Variants in RYR2 observed in about 807,000 individuals in gnomAD.
RYR2 encodes cardiac muscle ryanodine receptor-calcium release channel.
Under a neutral mutation model 601.1 loss-of-function variants are expected in RYR2, and 227 were observed. The observed-to-expected ratio is 0.38, with a 90% CI of 0.34 to 0.42. The LOEUF is 0.42. Ranked by LOEUF, RYR2 falls within the 10% of genes least tolerant of loss-of-function variation. The pLI, the probability that RYR2 is intolerant of heterozygous loss-of-function variation, is 1.00. For missense variants in RYR2, 4,646 were observed against 6,156.5 expected (o/e 0.75, Z 8.21); for synonymous variants, 2,223 against 2,175.1 (o/e 1.02, Z -0.61).
chr1:237,643,387 C>T lies in RYR2; in HGVS notation c.7282C>T (p.Pro2428Ser), dbSNP rs760270361. Residue 2428 changes from proline to serine, a missense_variant, in exon 48 of 105, where the codon CCC becomes TCC. By Grantham distance (74) the Pro-to-Ser change is moderately conservative. Transcript: ENST00000366574. The stretch of plus-strand genomic sequence containing the variant: ...TAGGTCCATTTTGAGATCCCTCATT[C>T]CCCTGGGAGATTTGGTGGGCGTTAT... ...RIRSILRSLI[P>S]LGDLVGVISI... 6.2e-7 allele frequency: 1 copy of T among 1,613,770 alleles called. No individual in the cohort carries two copies. Among genetic ancestry groups the T allele is most frequent in the Non-Finnish European group, 8.5e-7 (1 of 1,179,800 alleles).
intron 2 of RYR2, among the ~76,000 whole-genome samples, chr1:237,322,644 T>G (rs1048185566): frequency 2.0e-5 from 3 of 152,154 alleles, no homozygotes; most frequent in Non-Finnish European, 4.4e-5. Flanking sequence ...GTGTTCAATC[T>G]GTGGTCTACT....
intron 1 of RYR2, among the ~76,000 whole-genome samples, chr1:237,144,963 T>G (rs546182403): frequency 6.6e-6 from 1 of 152,244 alleles, no homozygotes; most frequent in East Asian, 1.9e-4. Context: ...CTATACATGA[T>G]TCCCTGGCCA....
chr1:237,493,610 G>A (rs559409169), intron 19 of RYR2, among the ~76,000 whole-genome samples: 8 of 152,084 alleles, frequency 5.3e-5, no homozygotes, highest in South Asian at 4.2e-4. Flanking sequence ...CCGCCACCAC[G>A]CCTGGCTAAT....
At chr1:237,649,011 A>G (rs1330858426) in intron 49 of RYR2, among the ~76,000 whole-genome samples, 2 of 152,252 alleles carry the variant, frequency 1.3e-5, no homozygotes, top group Non-Finnish European at 2.9e-5. Context: ...AAGATGATTT[A>G]ATGGATATTG....
intron 10 of RYR2, among the ~76,000 whole-genome samples, chr1:237,414,938 G>A (rs1286406991): frequency 6.6e-6 from 1 of 152,020 alleles, no homozygotes; most frequent in Non-Finnish European, 1.5e-5. Context: ...ACCTATGTCA[G>A]TGGCTCTACA....
intron 25 of RYR2, among the ~76,000 whole-genome samples, chr1:237,537,267 G>A (rs1272504419): frequency 6.6e-6 from 1 of 152,122 alleles, no homozygotes; most frequent in African/African-American, 2.4e-5. Flanking sequence ...GCACTGAATT[G>A]GAAACAATTT....
chr1:237,065,456 G>A (rs1663478419), intron 1 of RYR2, among the ~76,000 whole-genome samples: 1 of 55,948 alleles, frequency 1.8e-5, no homozygotes, highest in Non-Finnish European at 4.3e-5. Context: ...ATTTTTTTTG[G>A]TATTTTTTTT....
chr1:237,266,200 C>A (rs566243230), intron 1 of RYR2, among the ~76,000 whole-genome samples: 1 of 152,220 alleles, frequency 6.6e-6, no homozygotes, highest in South Asian at 2.1e-4. Flanking sequence ...AAGACTAATT[C>A]GGAAGAGGCC....
intron 78 of RYR2, among the ~76,000 whole-genome samples, chr1:237,732,612 A>G (rs954917890): frequency 1.3e-5 from 2 of 152,140 alleles, no homozygotes; most frequent in East Asian, 3.8e-4. Flanking sequence ...TCTGAGATCT[A>G]TTTCAAGGGC....
chr1:237,432,829 C>T (rs1669941433), intron 12 of RYR2, among the ~76,000 whole-genome samples: 2 of 150,432 alleles, frequency 1.3e-5, no homozygotes, highest in African/African-American at 4.9e-5. Context: ...CAAATTAATG[C>T]TTCTGGATAA....
chr1:237,295,043 G>A (rs547309467), intron 2 of RYR2, among the ~76,000 whole-genome samples: 4 of 152,104 alleles, frequency 2.6e-5, no homozygotes, highest in East Asian at 3.9e-4. Context: ...GCAAAACCCC[G>A]TCTCTCCAAA....
At position 237,213,419 on chromosome 1, in the gene RYR2, C is replaced by T. The variant is rs536660566; in HGVS notation, c.49-57078C>T. Among the ~76,000 whole-genome samples the T allele has an allele frequency of 2.6e-5, 4 of 152,220 alleles. No homozygotes were observed. In the South Asian group the frequency reaches 8.3e-4, roughly 32 times the overall value. On this transcript the variant is annotated intron_variant, in intron 1 of 104. Coordinates refer to ENST00000366574, the MANE Select transcript of RYR2 (RefSeq NM_001035.3). ...TCTCAAACTCCTGAGCTCAAGTGAT[C>T]GTCCTACTTTGGCCTCACAAAGTGC...
Position 237,801,875 on chromosome 1 carries a change from A to T in RYR2, c.14110A>T (p.Lys4704Ter). The change falls in exon 98 of 105, where the codon AAG becomes TAG. Residue 4704 changes from lysine to a stop codon, truncating the protein, a stop_gained. Coordinates refer to ENST00000366574, the MANE Select transcript of RYR2 (RefSeq NM_001035.3). LOFTEE classifies it high-confidence loss of function. The stretch of plus-strand genomic sequence containing the variant: ...TTGCAGACTGAACTCCATTGATGTG[A>T]AGTATCAGATGTGGAAACTAGGAGT... ...LSAVLNSIDV[K>*]YQMWKLGVVF... The T allele has an allele frequency of 6.3e-7, 1 of 1,599,140 alleles. No homozygotes were observed. The highest frequency in any genetic ancestry group is 8.5e-7 in the Non-Finnish European group (1 of 1,170,520).
chr1:237,660,174 A>T, intron 55 of RYR2, 100 bp downstream of exon 55: 1 of 624,512 alleles, frequency 1.6e-6, no homozygotes, highest in Non-Finnish European at 2.4e-6. Context: ...TCTTTATTTT[A>T]AATTTCACAT....
chr1:237,384,503 C>T (rs1319398231), intron 8 of RYR2, among the ~76,000 whole-genome samples: 1 of 152,214 alleles, frequency 6.6e-6, no homozygotes, highest in Non-Finnish European at 1.5e-5. Context: ...TCACACATTC[C>T]CCTTCTCAGA....
chr1:237,625,882 G>T, intron 40 of RYR2, 78 bp downstream of exon 40: 1 of 1,505,516 alleles, frequency 6.6e-7, no homozygotes, highest in Non-Finnish European at 9.0e-7. Context: ...ATGTTTTACT[G>T]GATGAGCCAG....
At chr1:237,628,214 CTTTT>C (rs544291146) in intron 41 of RYR2, 134 bp downstream of exon 41, 1 of 1,089,172 alleles carries the variant, frequency 9.2e-7, no homozygotes, top group Non-Finnish European at 1.3e-6. Context: ...AATAGCTTTT[CTTTT>C]TTTTATTTAT....
chr1:237,669,021 C>T lies in RYR2; in HGVS notation c.8590+1063C>T, dbSNP rs372511215. The stretch of plus-strand genomic sequence containing the variant: ...TGGTTTTCCTAGGCAGAGGACCCTG[C>T]GGCCTTCCGCAGTGTTTGTGTCCCT... On this transcript the variant is annotated intron_variant, in intron 58 of 104. Coordinates refer to ENST00000366574, the MANE Select transcript of RYR2 (RefSeq NM_001035.3). 5.9e-4 allele frequency among the ~76,000 whole-genome samples: 90 copies of T among 151,486 alleles called. 4 individuals are homozygous for T. The East Asian group carries it at 9.1e-3, about 15-fold the overall frequency.
intron 1 of RYR2, among the ~76,000 whole-genome samples, chr1:237,251,028 A>ATGTGTGTGTGTGTG (rs3056167): frequency 2.2e-5 from 3 of 139,326 alleles, no homozygotes; most frequent in Non-Finnish European, 3.2e-5. Context: ...TCCCCAACAG[A>ATGTGTGTGTGTGTG]TGTGTGTGTG....
Sources: gnomAD v4.1 joint callset for allele counts (sites outside exome capture counted in the v4.1 genomes callset) on GRCh38, gnomAD v4.1.1 for gene constraint, MANE v1.5 for transcripts, NCBI Gene and HGNC (gene_info 2026-07-23, HGNC 2026-07-21) for gene names.